The following HELLS variants were observed in gnomAD, a reference collection of about 807,000 sequenced individuals.
HELLS encodes lymphoid-specific helicase.
In HELLS, 32 loss-of-function variants were observed where a neutral mutation model predicts 120.0. The observed-to-expected ratio is 0.27, with a 90% CI of 0.20 to 0.36. HELLS has a LOEUF of 0.36. HELLS is among the 10% of genes least tolerant of loss of function. HELLS has a pLI of 1.00. For synonymous variants in HELLS, 341 were observed against 323.4 expected, an observed-to-expected ratio of 1.05 and a Z score of -0.58; for missense variants, 650 against 993.4, an observed-to-expected ratio of 0.65 and a Z score of 4.65.
At position 94,577,467 on chromosome 10, in the gene HELLS, C is replaced by T. The variant is rs7072395; in HGVS notation, c.1032+662C>T. On this transcript the variant is annotated intron_variant, in intron 10 of 21. Transcript: ENST00000348459. ...ATAGGAAAGTATTTAATGGTTTCAA[C>T]ATAAAATCAAAACACATAAGTCATA... The T allele has an allele frequency of 8.4e-3, 1,311 of 156,076 alleles. 18 individuals carry two copies. The highest frequency in any genetic ancestry group is 0.03 in the African/African-American group (1,254 of 41,538). The allele number at this position is 156,076 out of a possible 1,614,324, so 9.7% of individuals were successfully genotyped here.
chr10:94,590,302 T>A (rs1845419752), intron 13 of HELLS, 111 bp from the exon 14 acceptor site: 1 of 899,132 alleles, frequency 1.1e-6, no homozygotes, highest in Non-Finnish European at 1.7e-6. Flanking sequence ...AACATTTGTA[T>A]TTGTCTATAG....
intron 12 of HELLS, chr10:94,584,086 T>G (rs1336542324): frequency 5.7e-6 from 8 of 1,396,228 alleles, no homozygotes; most frequent in Non-Finnish European, 7.6e-6. Context: ...TACGTCCATA[T>G]GAAAATACTT....
chr10:94,591,989 T>C (rs1337141817), intron 15 of HELLS, among the ~76,000 whole-genome samples: 1 of 151,998 alleles, frequency 6.6e-6, no homozygotes, highest in Non-Finnish European at 1.5e-5. Context: ...GAGAGAGGAG[T>C]GTTGAGGTTA....
At chr10:94,603,142 G>A (rs933584043), downstream of HELLS, among the ~76,000 whole-genome samples, 1 of 152,218 alleles carries the variant, frequency 6.6e-6, no homozygotes, top group African/African-American at 2.4e-5. Context: ...GTCGTAGCTT[G>A]AGCCAATTGC....
chr10:94,592,818 A>T (rs1156408490), intron 17 of HELLS, among the ~76,000 whole-genome samples: 2 of 152,118 alleles, frequency 1.3e-5, no homozygotes, highest in African/African-American at 4.8e-5. Flanking sequence ...CTATTATGAA[A>T]ATATCAACTA....
Position 94,571,574 on chromosome 10 carries a change from C to G in HELLS, c.477+145C>G, listed in dbSNP as rs1048728890. On this transcript the variant is annotated intron_variant, in intron 7 of 21. Coordinates refer to ENST00000348459, the MANE Select transcript of HELLS (RefSeq NM_018063.5). ...AAAAAAAATACCTATGTATTCACTT[C>G]TTCCATATCCAACATTCTTCTTTTT... 13 of 584,242 alleles carry G rather than the reference C, an allele frequency of 2.2e-5. No homozygotes were observed. In the African/African-American group the frequency reaches 2.3e-4, roughly 10 times the overall value. 36.2% of individuals were successfully genotyped at this position (584,242 alleles called of 1,614,324 possible).
At chr10:94,567,892 G>T (rs948846870) in intron 6 of HELLS, among the ~76,000 whole-genome samples, 5 of 146,954 alleles carry the variant, frequency 3.4e-5, no homozygotes, top group Non-Finnish European at 7.5e-5. Context: ...ATGGGCAAGA[G>T]AATGAAACCC....
intron 2 of HELLS, 130 bp from the exon 3 acceptor site, chr10:94,553,995 GT>G: frequency 1.5e-6 from 1 of 675,430 alleles, no homozygotes; most frequent in Non-Finnish European, 2.4e-6. Context: ...ACAGTTATTT[GT>G]TCCAGTTTTT....
At chr10:94,597,163 G>T in intron 21 of HELLS, 52 bp downstream of exon 21, 1 of 1,029,892 alleles carries the variant, frequency 9.7e-7, no homozygotes, top group Non-Finnish European at 1.5e-6. Context: ...CACTTAATTA[G>T]CATAATGTAA....
intron 6 of HELLS, among the ~76,000 whole-genome samples, chr10:94,564,627 T>A (rs1380635215): frequency 1.3e-5 from 2 of 152,166 alleles, no homozygotes; most frequent in Admixed American, 6.5e-5. Flanking sequence ...CCTTTTTTTT[T>A]CTTGGAGACA....
At chr10:94,586,047 G>A (rs1845126715) in intron 12 of HELLS, among the ~76,000 whole-genome samples, 1 of 152,082 alleles carries the variant, frequency 6.6e-6, no homozygotes, top group South Asian at 2.1e-4. Context: ...ATTTGTCAGT[G>A]CATGTGGTAG....
At chr10:94,561,066 AC>A (rs1843532979) in intron 4 of HELLS, among the ~76,000 whole-genome samples, 1 of 145,796 alleles carries the variant, frequency 6.9e-6, no homozygotes, top group South Asian at 2.2e-4. Flanking sequence ...AAAAAAAAAA[AC>A]AAAAAAACAA....
rs1204327311 is a variant in HELLS at position 94,595,326 on chromosome 10, AG to A, written c.2248+473del. On this transcript the variant is annotated intron_variant, in intron 19 of 21. Transcript: ENST00000348459. ...GTTGGTCACCATAGACATAAAAGAA[AG>A]AATGTTAGCGAGTATGTAGATATGT... Among the ~76,000 whole-genome samples, 6 of 152,318 alleles carry A rather than the reference AG, an allele frequency of 3.9e-5. No individual in the cohort carries two copies. In the East Asian group the frequency reaches 1.2e-3, roughly 29 times the overall value.
rs755335186 is a variant in HELLS, at chr10:94,588,252, A to G, written c.1350A>G (p.Arg450=). ...AGATTTTAACACCTTTCTTATTGAG[A>G]AGACTGAAGTCTGATGTTGCTCTTG... is the stretch of plus-strand genomic sequence containing the variant. ...LHQILTPFLL[R]RLKSDVALEV... The change falls in exon 13 of 22, where the codon AGA becomes AGG. Residue 450 remains arginine (R), a synonymous_variant. Transcript: ENST00000348459. 2 of 1,600,500 alleles carry G rather than the reference A, an allele frequency of 1.2e-6. No individual in the cohort carries two copies. The highest frequency in any genetic ancestry group is 8.5e-7 in the Non-Finnish European group (1 of 1,172,638).
In HELLS at chr10:94,588,354, G is replaced by A. The variant is rs1452557489; in HGVS notation, c.1452G>A (p.Val484=). The A allele has an allele frequency of 6.2e-7, 1 of 1,610,720 alleles. No homozygotes were observed. Residue 484 remains valine (V), a synonymous_variant, in exon 13 of 22, where the codon GTG becomes GTA. Coordinates refer to ENST00000348459, the MANE Select transcript of HELLS (RefSeq NM_018063.5). ...AGGAGATCTTTTATACAGCCATTGT[G>A]AACCGTACAATTGCAAACATGTTTG... ...KKQEIFYTAI[V]NRTIANMFGS... is the part of the protein sequence containing the mutation.
chr10:94,585,339 ATAAC>A (rs1304672151), intron 12 of HELLS, among the ~76,000 whole-genome samples: 2 of 147,364 alleles, frequency 1.4e-5, no homozygotes, highest in African/African-American at 5.0e-5. Context: ...TCTCCAAAGT[ATAAC>A]TAATAGTTTT....
At chr10:94,553,247 C>T (rs1270638854) in intron 2 of HELLS, among the ~76,000 whole-genome samples, 4 of 151,658 alleles carry the variant, frequency 2.6e-5, no homozygotes, top group African/African-American at 9.7e-5. Flanking sequence ...GCAAATTACA[C>T]ATACCTTTTT....
chr10:94,576,934 G>A lies in HELLS; in HGVS notation c.1032+129G>A, dbSNP rs1156733994. 13 of 742,668 alleles carry A rather than the reference G, an allele frequency of 1.8e-5. No individual in the cohort carries two copies. In the African/African-American group the frequency reaches 2.1e-4, roughly 12 times the overall value. 46.0% of individuals were successfully genotyped at this position (742,668 alleles called of 1,614,324 possible). A position where few individuals can be genotyped will look rare whatever the true frequency, so the allele number is the denominator to read the frequency against. ...TTGTCGAAATAATAGATTATATTGT[G>A]CATATACCTGTAGAAGCTGGAAACT... On this transcript the variant is annotated intron_variant, in intron 10 of 21. Transcript: ENST00000348459.
chr10:94,564,396 T>C (rs1843691935), intron 6 of HELLS, among the ~76,000 whole-genome samples: 1 of 152,190 alleles, frequency 6.6e-6, no homozygotes, highest in South Asian at 2.1e-4. Context: ...TAGTCAGAAA[T>C]TGTCACTATA....
Sources: gnomAD v4.1 joint callset for allele counts (sites outside exome capture counted in the v4.1 genomes callset) on GRCh38, gnomAD v4.1.1 for gene constraint, MANE v1.5 for transcripts, NCBI Gene and HGNC (gene_info 2026-07-23, HGNC 2026-07-21) for gene names.